Variants in NADK2 observed in about 807,000 individuals in gnomAD.
The protein encoded by NADK2 is NAD kinase domain-containing protein 1, mitochondrial.
A neutral mutation model predicts 62.1 loss-of-function variants in NADK2; 35 were observed. The observed-to-expected ratio is 0.56, with a 90% CI of 0.43 to 0.75. NADK2 has a LOEUF of 0.75. NADK2 is among the 30% of genes least tolerant of loss of function. The pLI, the probability that NADK2 is intolerant of heterozygous loss-of-function variation, is 0.00. For missense variants in NADK2, 439 were observed against 561.3 expected (o/e 0.78, Z 2.20); for synonymous variants, 205 against 207.9 (o/e 0.99, Z 0.12).
Position 36,193,770 on chromosome 5 carries a change from T to C in NADK2, c.*1374A>G, listed in dbSNP as rs942258674. On this transcript the variant is annotated 3_prime_UTR_variant, in exon 12 of 12. Transcript: ENST00000381937. ...ATTGATAAGAACAACATGTTAAATA[T>C]TGGCAAAACTAAGAGCACTCAATTC... 2.0e-5 allele frequency: 3 copies of C among 152,638 alleles called. No individual in the cohort carries two copies. Among genetic ancestry groups the C allele is most frequent in the Non-Finnish European group, 1.5e-5 (1 of 68,038 alleles). The allele number at this position is 152,638 out of a possible 1,614,324, so 9.5% of individuals were successfully genotyped here. A position where few individuals can be genotyped will look rare whatever the true frequency, so the allele number is the denominator to read the frequency against.
chr5:36,202,009 C>T (rs1746467179), intron 8 of NADK2, among the ~76,000 whole-genome samples: 1 of 151,916 alleles, frequency 6.6e-6, no homozygotes, highest in African/African-American at 2.4e-5. Context: ...TACATGATCT[C>T]AATATATAAT....
chr5:36,208,559 G>T, intron 7 of NADK2: 1 of 1,116,440 alleles, frequency 9.0e-7, no homozygotes, highest in Non-Finnish European at 1.3e-6. Flanking sequence ...GATTTATCAA[G>T]ATTAGTCAGT....
intron 8 of NADK2, among the ~76,000 whole-genome samples, chr5:36,203,581 C>G (rs989196650): frequency 4.6e-5 from 7 of 152,040 alleles, no homozygotes; most frequent in African/African-American, 7.2e-5. Context: ...TAATAGAAGA[C>G]TTTAACAAGC....
intron 9 of NADK2, 48 bp from the exon 10 acceptor site, chr5:36,200,328 C>G (rs770619203): frequency 2.0e-5 from 23 of 1,160,452 alleles, no homozygotes; most frequent in Admixed American, 1.1e-4. Context: ...ATATATATAT[C>G]TTATATATAT....
intron 5 of NADK2, among the ~76,000 whole-genome samples, chr5:36,218,460 G>A (rs1279523697): frequency 1.3e-5 from 2 of 152,144 alleles, no homozygotes; most frequent in Non-Finnish European, 1.5e-5. Context: ...GAAAGTCAAT[G>A]GGACAGATTC....
At chr5:36,215,847 G>C (rs773219926) in intron 6 of NADK2, among the ~76,000 whole-genome samples, 2 of 152,098 alleles carry the variant, frequency 1.3e-5, no homozygotes, top group Non-Finnish European at 2.9e-5. Context: ...TTTATCTACT[G>C]ATGGACACTT....
intron 1 of NADK2, among the ~76,000 whole-genome samples, chr5:36,239,644 T>C (rs1748035440): frequency 1.3e-5 from 2 of 152,188 alleles, no homozygotes; most frequent in Admixed American, 6.5e-5. Flanking sequence ...TTTTATTAAG[T>C]GGTAATCTAG....
chr5:36,214,549 A>G (rs1444348795), intron 6 of NADK2, among the ~76,000 whole-genome samples: 2 of 152,224 alleles, frequency 1.3e-5, no homozygotes, highest in African/African-American at 4.8e-5. Flanking sequence ...ACAGAAGTGT[A>G]ATACTAGTGA....
Position 36,214,341 on chromosome 5 carries a change from T to C in NADK2, c.782-2419A>G, listed in dbSNP as rs185793890. ...GATTACAGGCATGCGCCACCACGCC[T>C]GGCTAATTTTGTATTTTTAGTAGAG... On this transcript the variant is annotated intron_variant, in intron 6 of 11. Coordinates refer to ENST00000381937, the MANE Select transcript of NADK2 (RefSeq NM_001085411.3). 2.0e-5 allele frequency among the ~76,000 whole-genome samples: 3 copies of C among 152,254 alleles called. No homozygotes were observed. The East Asian group carries it at 5.8e-4, about 29-fold the overall frequency.
At chr5:36,237,824 G>A (rs1474692671) in intron 1 of NADK2, among the ~76,000 whole-genome samples, 1 of 152,186 alleles carries the variant, frequency 6.6e-6, no homozygotes, top group East Asian at 1.9e-4. Flanking sequence ...TTCAGCCGGA[G>A]TCATTAATTT....
At position 36,201,097 on chromosome 5, in the gene NADK2, G is replaced by A. The variant is rs750847376; in HGVS notation, c.1012+9C>T. 9.3e-6 allele frequency: 15 copies of A among 1,611,032 alleles called. No individual in the cohort carries two copies. The highest frequency in any genetic ancestry group is 2.2e-5 in the South Asian group (2 of 90,978). ...AGGGGACTACTCCAATAGCTGTTTT[G>A]GTACTCACCAATATTTAAAACATCT... On this transcript the variant is annotated intron_variant, in intron 9 of 11. Coordinates refer to ENST00000381937, the MANE Select transcript of NADK2 (RefSeq NM_001085411.3).
rs1167821958 is a variant in NADK2, at chr5:36,205,516, A to C, written c.956+1654T>G. On this transcript the variant is annotated intron_variant, in intron 8 of 11. Transcript: ENST00000381937. This position sits in a 1 kb window ranked among gnomAD's most constrained non-coding sequence, Gnocchi z 4.1. ...GGGTAGGGCAGGAATAAGGCCAATAAGATCGCTAAGGTCATATGTTAAAGG... is the reference window on the plus strand; with the variant it reads ...GGGTAGGGCAGGAATAAGGCCAATACGATCGCTAAGGTCATATGTTAAAGG... Among the ~76,000 whole-genome samples the C allele has an allele frequency of 6.6e-6, 1 of 152,128 alleles. No individual in the cohort carries two copies. Among genetic ancestry groups the C allele is most frequent in the Non-Finnish European group, 1.5e-5 (1 of 68,022 alleles).
At chr5:36,199,151 T>C (rs1278425574) in intron 10 of NADK2, among the ~76,000 whole-genome samples, 2 of 151,842 alleles carry the variant, frequency 1.3e-5, no homozygotes, top group Non-Finnish European at 2.9e-5. Context: ...TGTATACATA[T>C]GTAACAAACC....
At position 36,206,706 on chromosome 5, in the gene NADK2, G is replaced by C. The variant is rs148211896; in HGVS notation, c.956+464C>G. Among the ~76,000 whole-genome samples the C allele has an allele frequency of 2.1e-3, 321 of 152,106 alleles. 4 individuals are homozygous for C. The highest frequency in any genetic ancestry group is 0.019 in the Admixed American group (287 of 15,234). ...ATATGAGTTTGTACTCAGGAGAAAA[G>C]GTATGTTTGGGAGGCATTTATGTGG... On this transcript the variant is annotated intron_variant, in intron 8 of 11. Transcript: ENST00000381937.
Position 36,218,755 on chromosome 5 carries a change from C to A in NADK2, c.644+841G>T, listed in dbSNP as rs78483251. ...TCCTCTTTTCCTGATGGTCTGACCA[C>A]TGAACACATTAAGTAAAAGAAACTT... On this transcript the variant is annotated intron_variant, in intron 5 of 11. Coordinates refer to ENST00000381937, the MANE Select transcript of NADK2 (RefSeq NM_001085411.3). Among the ~76,000 whole-genome samples the A allele has an allele frequency of 2.6e-3, 393 of 152,288 alleles. 2 individuals carry two copies. The highest frequency in any genetic ancestry group is 9.1e-3 in the African/African-American group (380 of 41,564).
chr5:36,197,788 C>A, intron 10 of NADK2, 124 bp from the exon 11 acceptor site: 1 of 782,780 alleles, frequency 1.3e-6, no homozygotes, highest in Non-Finnish European at 1.9e-6. Context: ...GAACAAGTTT[C>A]TTGAAACTCG....
At chr5:36,223,266 A>C (rs1747343850) in intron 4 of NADK2, among the ~76,000 whole-genome samples, 1 of 152,200 alleles carries the variant, frequency 6.6e-6, no homozygotes, top group Non-Finnish European at 1.5e-5. Flanking sequence ...TAATATTATC[A>C]AACTTCCATA....
chr5:36,210,224 T>G (rs950534224), intron 7 of NADK2, among the ~76,000 whole-genome samples: 2 of 152,206 alleles, frequency 1.3e-5, no homozygotes, highest in African/African-American at 4.8e-5. Context: ...AGAAGCCAGG[T>G]TCTAAAGTAC....
At chr5:36,210,427 T>C (rs1746798459) in intron 7 of NADK2, among the ~76,000 whole-genome samples, 1 of 152,188 alleles carries the variant, frequency 6.6e-6, no homozygotes, top group Admixed American at 6.5e-5. Context: ...ACCTTAATTT[T>C]TGCAATAATG....
Sources: gnomAD v4.1 joint callset for allele counts (sites outside exome capture counted in the v4.1 genomes callset) on GRCh38, gnomAD v4.1.1 for gene constraint, Gnocchi (gnomAD v3.1) non-coding constraint, MANE v1.5 for transcripts, NCBI Gene and HGNC (gene_info 2026-07-23, HGNC 2026-07-21) for gene names.